MAGI1: variants seen among roughly 807,000 people sequenced by gnomAD.
MAGI1 encodes the protein membrane associated guanylate kinase, WW and PDZ domain containing 1.
MAGI1 carries 58 observed loss-of-function variants against 139.9 expected under a neutral mutation model. The ratio of observed to expected loss-of-function variants is 0.41; its 90% CI spans 0.34 to 0.52. MAGI1 has a LOEUF of 0.52. Ranked by LOEUF, MAGI1 falls within the 20% of genes least tolerant of loss-of-function variation. The pLI, the probability that MAGI1 is intolerant of heterozygous loss-of-function variation, is 0.12. For missense variants in MAGI1, 1,874 were observed against 1,901.6 expected, an observed-to-expected ratio of 0.99 and a Z score of 0.27; for synonymous variants, 812 against 737.9, an observed-to-expected ratio of 1.10 and a Z score of -1.63.
At chr3:65,417,381 T>C (rs1033296232) in intron 12 of MAGI1, among the ~76,000 whole-genome samples, 2 of 152,124 alleles carry the variant, frequency 1.3e-5, no homozygotes, top group African/African-American at 2.4e-5. Context: ...ATATTCCTCA[T>C]AGCAAAGACT....
At chr3:65,732,751 C>T (rs9877160) in intron 1 of MAGI1, among the ~76,000 whole-genome samples, 39,371 of 152,066 alleles carry the variant, frequency 0.26, 6,145 homozygotes, top group African/African-American at 0.44. Context: ...GCATATCTTC[C>T]CTCATTCCCC....
intron 2 of MAGI1, among the ~76,000 whole-genome samples, chr3:65,540,828 T>C (rs1576251657): frequency 6.6e-6 from 1 of 152,166 alleles, no homozygotes; most frequent in Admixed American, 6.5e-5. Context: ...TGCAGCCATG[T>C]TGGTAAAATA....
chr3:65,725,463 A>G (rs1302181728), intron 1 of MAGI1, among the ~76,000 whole-genome samples: 2 of 152,212 alleles, frequency 1.3e-5, no homozygotes, highest in African/African-American at 4.8e-5. Context: ...TTACATGTCT[A>G]ACAAGACAGC....
At chr3:65,797,317 C>T (rs2040211173) in intron 1 of MAGI1, among the ~76,000 whole-genome samples, 1 of 152,082 alleles carries the variant, frequency 6.6e-6, no homozygotes, top group Non-Finnish European at 1.5e-5. Context: ...GGGCAGGATA[C>T]CTGTAAAGAG....
intron 1 of MAGI1, among the ~76,000 whole-genome samples, chr3:65,724,129 T>C (rs995275210): frequency 4.6e-5 from 7 of 152,258 alleles, no homozygotes; most frequent in African/African-American, 1.4e-4. Context: ...CCTCGAGCTT[T>C]CTTCCACCTC....
chr3:65,735,103 T>A (rs2034599793), intron 1 of MAGI1, among the ~76,000 whole-genome samples: 1 of 152,192 alleles, frequency 6.6e-6, no homozygotes, highest in South Asian at 2.1e-4. Context: ...TAAATTTAAA[T>A]ATCTATGAAT....
chr3:65,643,512 T>C (rs1042379743), intron 1 of MAGI1, among the ~76,000 whole-genome samples: 1 of 152,042 alleles, frequency 6.6e-6, no homozygotes, highest in African/African-American at 2.4e-5. Context: ...ATGTCTGAAA[T>C]GTAAAGAGAA....
chr3:65,759,226 A>T (rs2036818480), intron 1 of MAGI1, among the ~76,000 whole-genome samples: 1 of 152,148 alleles, frequency 6.6e-6, no homozygotes, highest in South Asian at 2.1e-4. Flanking sequence ...GCCCTCCTCT[A>T]GGACAGTTTT....
chr3:65,981,516 C>A (rs1203541931), intron 1 of MAGI1, among the ~76,000 whole-genome samples: 1 of 152,188 alleles, frequency 6.6e-6, no homozygotes, highest in Non-Finnish European at 1.5e-5. Context: ...TAGCCCCTCA[C>A]AGACTTATAA....
chr3:65,725,749 C>T (rs192779343), intron 1 of MAGI1, among the ~76,000 whole-genome samples: 111 of 152,240 alleles, frequency 7.3e-4, no homozygotes, highest in African/African-American at 2.5e-3. Context: ...CCATTCCAGC[C>T]TACTTAAAAT....
intron 1 of MAGI1, among the ~76,000 whole-genome samples, chr3:65,957,441 A>T (rs1240989149): frequency 1.4e-5 from 2 of 147,560 alleles, no homozygotes; most frequent in African/African-American, 5.0e-5. Flanking sequence ...AGATCGCTTG[A>T]GCCTGGGAGG....
intron 1 of MAGI1, among the ~76,000 whole-genome samples, chr3:65,899,294 T>C (rs1002317834): frequency 6.6e-6 from 1 of 152,098 alleles, no homozygotes; most frequent in African/African-American, 2.4e-5. Flanking sequence ...AAAAGTAAAA[T>C]GTGAGGATTC....
Position 65,753,377 on chromosome 3 carries a change from CA to C in MAGI1, c.314-131290del, listed in dbSNP as rs915110185. On this transcript the variant is annotated intron_variant, in intron 1 of 22. Transcript: ENST00000402939. ...GCATATTATCTCACTGAATCTTCAC[CA>C]AAAACACCTATGAACTGAGTATGGT... Among the ~76,000 whole-genome samples the C allele has an allele frequency of 5.2e-4, 79 of 152,190 alleles. No homozygotes were observed. In the Middle Eastern group the frequency reaches 0.014, roughly 26 times the overall value.
intron 18 of MAGI1, among the ~76,000 whole-genome samples, chr3:65,369,309 A>G (rs1475955230): frequency 6.6e-6 from 1 of 152,170 alleles, no homozygotes; most frequent in East Asian, 1.9e-4. Context: ...AAAATGTGGG[A>G]AGCAGAGTGA....
At chr3:65,807,327 T>C (rs1025071261) in intron 1 of MAGI1, among the ~76,000 whole-genome samples, 7 of 152,192 alleles carry the variant, frequency 4.6e-5, no homozygotes, top group Non-Finnish European at 8.8e-5. Context: ...GCTTTCTTAC[T>C]GTACATTGAC....
At chr3:65,538,064 G>A (rs1309687575) in intron 2 of MAGI1, among the ~76,000 whole-genome samples, 1 of 152,190 alleles carries the variant, frequency 6.6e-6, no homozygotes, top group Non-Finnish European at 1.5e-5. Context: ...GAACCCAGGA[G>A]GCAGAGGTTG....
intron 1 of MAGI1, among the ~76,000 whole-genome samples, chr3:65,781,993 A>G (rs1161449312): frequency 1.3e-5 from 2 of 152,184 alleles, no homozygotes; most frequent in Non-Finnish European, 2.9e-5. Context: ...ACTTTCCCAT[A>G]TATTCTGGGG....
chr3:65,539,496 C>T (rs2079113489), intron 2 of MAGI1, among the ~76,000 whole-genome samples: 1 of 152,190 alleles, frequency 6.6e-6, no homozygotes, highest in Admixed American at 6.5e-5. Context: ...GAAATGGATA[C>T]CGTGTTCTCT....
chr3:65,912,236 C>CAAAAAAAA (rs35498262), intron 1 of MAGI1, among the ~76,000 whole-genome samples: 3 of 130,986 alleles, frequency 2.3e-5, no homozygotes. Context: ...ACTCTGATCT[C>CAAAAAAAA]AAAAAAAAAA....
Sources: gnomAD v4.1 joint callset for allele counts (sites outside exome capture counted in the v4.1 genomes callset) on GRCh38, gnomAD v4.1.1 for gene constraint, MANE v1.5 for transcripts, NCBI Gene and HGNC (gene_info 2026-07-23, HGNC 2026-07-21) for gene names.